The following TEKT5 variants were observed in gnomAD, a reference collection of about 807,000 sequenced individuals.
The protein encoded by TEKT5 is tektin-5.
Under a neutral mutation model 48.7 loss-of-function variants are expected in TEKT5, and 52 were observed. The observed-to-expected ratio is 1.07, with a 90% CI of 0.86 to 1.35. The LOEUF (loss-of-function observed/expected upper bound fraction) is 1.35, where lower values mean the gene tolerates loss of function less well. Ranked by LOEUF, TEKT5 falls within the 40% of genes most tolerant of loss-of-function variation. TEKT5 has a pLI of 0.00. For missense variants in TEKT5, 831 were observed against 641.6 expected, an observed-to-expected ratio of 1.30 and a Z score of -3.19; for synonymous variants, 318 against 267.6, an observed-to-expected ratio of 1.19 and a Z score of -1.84.
intron 3 of TEKT5, 65 bp from the exon 4 acceptor site, chr16:10,682,201 C>T (rs1898769063): frequency 1.9e-6 from 3 of 1,568,018 alleles, no homozygotes; most frequent in South Asian, 2.4e-5. Context: ...TTGGGCCACA[C>T]AGCAGGTGTG....
At chr16:10,667,466 G>A (rs1437886740) in intron 5 of TEKT5, among the ~76,000 whole-genome samples, 1 of 152,210 alleles carries the variant, frequency 6.6e-6, no homozygotes, top group African/African-American at 2.4e-5. Context: ...CAATCTGGCT[G>A]TTTCTGTACC....
At chr16:10,652,797 C>A (rs1898188550) in intron 5 of TEKT5, among the ~76,000 whole-genome samples, 1 of 128,864 alleles carries the variant, frequency 7.8e-6, no homozygotes, top group Non-Finnish European at 1.6e-5. Context: ...CACACACACC[C>A]TCCAGGCCAG....
intron 4 of TEKT5, among the ~76,000 whole-genome samples, chr16:10,680,271 T>G (rs998972919): frequency 6.6e-6 from 1 of 152,240 alleles, no homozygotes. Context: ...ACTGTGACAT[T>G]TGTAAGATCC....
At position 10,627,699 on chromosome 16, in the gene TEKT5, A is replaced by G; in HGVS notation, c.1342T>C (p.Cys448Arg). ...DTLQLLVMTK[C>R]RLEHELAIKA... ...ATGGCGAGCTCGTGCTCCAGCCGGCACTTGGTCATGACCAGCAGCTGCAGC... is the reference window on the plus strand; with the variant it reads ...ATGGCGAGCTCGTGCTCCAGCCGGCGCTTGGTCATGACCAGCAGCTGCAGC... The change falls in exon 7 of 7, where the codon TGC (cysteine) becomes CGC (arginine). Residue 448 changes from cysteine to arginine, a missense_variant. Coordinates refer to ENST00000283025, the MANE Select transcript of TEKT5 (RefSeq NM_144674.2). 6.2e-7 allele frequency: 1 copy of G among 1,614,236 alleles called. No homozygotes were observed. Among genetic ancestry groups the G allele is most frequent in the African/African-American group, 1.3e-5 (1 of 75,074 alleles).
At chr16:10,627,870 TCTCA>T (rs1265924228) in intron 6 of TEKT5, 71 bp from the exon 7 acceptor site, 5 of 1,416,986 alleles carry the variant, frequency 3.5e-6, no homozygotes, top group Non-Finnish European at 4.8e-6. Flanking sequence ...TGAGACAGAG[TCTCA>T]CTCTGTCACC....
intron 5 of TEKT5, among the ~76,000 whole-genome samples, chr16:10,651,851 A>G (rs1223053610): frequency 6.6e-6 from 1 of 152,170 alleles, no homozygotes; most frequent in Non-Finnish European, 1.5e-5. Flanking sequence ...AATCCAAGCT[A>G]CTTGAGAGGC....
At chr16:10,682,166 T>G in intron 3 of TEKT5, 30 bp from the exon 4 acceptor site, 4 of 1,610,142 alleles carry the variant, frequency 2.5e-6, no homozygotes, top group Non-Finnish European at 3.4e-6. Context: ...ATTCCTGGAC[T>G]ATGCACCTGC....
intron 5 of TEKT5, among the ~76,000 whole-genome samples, chr16:10,647,824 T>A (rs963775508): frequency 2.6e-5 from 4 of 152,248 alleles, no homozygotes; most frequent in Non-Finnish European, 5.9e-5. Flanking sequence ...CATATGTCAG[T>A]GCAACAAATG....
chr16:10,685,385 C>T (rs377146547), intron 3 of TEKT5, among the ~76,000 whole-genome samples: 13 of 152,254 alleles, frequency 8.5e-5, no homozygotes, highest in Middle Eastern at 6.8e-3. Context: ...CTACAACCTC[C>T]GCCTCTTGGG....
chr16:10,681,082 A>G (rs1898740067), intron 4 of TEKT5, among the ~76,000 whole-genome samples: 1 of 150,124 alleles, frequency 6.7e-6, no homozygotes, highest in African/African-American at 2.4e-5. Context: ...TGATATGCCC[A>G]CGATCATGAC....
At chr16:10,642,226 G>A (rs929230839) in intron 5 of TEKT5, among the ~76,000 whole-genome samples, 12 of 152,196 alleles carry the variant, frequency 7.9e-5, no homozygotes, top group Admixed American at 1.3e-4. Flanking sequence ...ATAACCTAGC[G>A]ATAAGCAGAC....
Position 10,685,181 on chromosome 16 carries a change from C to A in TEKT5, c.720-3045G>T, listed in dbSNP as rs57282222. 5.1e-4 allele frequency among the ~76,000 whole-genome samples: 77 copies of A among 152,354 alleles called. 2 individuals are homozygous for A. Among genetic ancestry groups the A allele is most frequent in the African/African-American group, 1.8e-3 (75 of 41,582 alleles). The stretch of plus-strand genomic sequence containing the variant: ...CCACAAAGTGAAATGCTGCCCTGAC[C>A]TGCTCTCATCCTCTTCCTCACTCAC... On this transcript the variant is annotated intron_variant, in intron 3 of 6. Coordinates refer to ENST00000283025, the MANE Select transcript of TEKT5 (RefSeq NM_144674.2).
At chr16:10,632,684 C>A (rs1269788449) in intron 6 of TEKT5, among the ~76,000 whole-genome samples, 5 of 151,740 alleles carry the variant, frequency 3.3e-5, no homozygotes, top group Non-Finnish European at 7.4e-5. Flanking sequence ...AGAAGAGAGA[C>A]CACTTATAGG....
Position 10,694,594 on chromosome 16 carries a change from A to G in TEKT5, c.280T>C (p.Trp94Arg), listed in dbSNP as rs140611790. The change falls in exon 1 of 7, where the codon TGG becomes CGG. Residue 94 changes from tryptophan (W) to arginine (R), a missense_variant. Transcript: ENST00000283025. ...ACCTGCAGCTGGTTGGACTGGTCCCAGTCGTGGGGGCTATAGCGAGAGAAG... is the reference window on the plus strand; with the variant it reads ...ACCTGCAGCTGGTTGGACTGGTCCCGGTCGTGGGGGCTATAGCGAGAGAAG... ...ALFSRYSPHD[W>R]DQSNQLQVRG... is the part of the protein sequence containing the mutation. 27 of 1,607,738 alleles carry G rather than the reference A, an allele frequency of 1.7e-5. No homozygotes were observed. The African/African-American group carries it at 3.3e-4, about 20-fold the overall frequency.
At chr16:10,686,023 G>A (rs1054695964) in intron 3 of TEKT5, among the ~76,000 whole-genome samples, 4 of 152,030 alleles carry the variant, frequency 2.6e-5, no homozygotes, top group Admixed American at 6.6e-5. Flanking sequence ...CCAGCGCCAC[G>A]GTTTTTCACA....
chr16:10,690,665 G>C, intron 1 of TEKT5: 1 of 985,424 alleles, frequency 1.0e-6, no homozygotes, highest in Non-Finnish European at 1.2e-6. Context: ...GAAGTGGTCA[G>C]GACAACCCTG....
chr16:10,643,945 G>C (rs1898032563), intron 5 of TEKT5, among the ~76,000 whole-genome samples: 1 of 152,120 alleles, frequency 6.6e-6, no homozygotes. Context: ...GGGAGGCTGA[G>C]GCAGGAGAAT....
rs556961055 is a variant in TEKT5 at position 10,627,817 on chromosome 16, G to A, written c.1242-18C>T. The A allele has an allele frequency of 3.7e-6, 6 of 1,606,668 alleles. No homozygotes were observed. Among genetic ancestry groups the A allele is most frequent in the African/African-American group, 1.3e-5 (1 of 74,868 alleles). ...TCACCAGCCTGGGGTGAGGGCAGAG[G>A]AGAAGGCACAGGTTATTCATTTATT... On this transcript the variant is annotated intron_variant, in intron 6 of 6. Transcript: ENST00000283025.
At chr16:10,661,092 T>C (rs912626533) in intron 5 of TEKT5, among the ~76,000 whole-genome samples, 2 of 152,216 alleles carry the variant, frequency 1.3e-5, no homozygotes. Flanking sequence ...CTACTCAACC[T>C]GACCACTGTA....
Sources: gnomAD v4.1 joint callset for allele counts (sites outside exome capture counted in the v4.1 genomes callset) on GRCh38, gnomAD v4.1.1 for gene constraint, MANE v1.5 for transcripts, NCBI Gene and HGNC (gene_info 2026-07-23, HGNC 2026-07-21) for gene names.